CSF2RB: variants seen among roughly 807,000 people sequenced by gnomAD.
The protein encoded by CSF2RB is cytokine receptor common subunit beta.
In CSF2RB, 22 loss-of-function variants were observed where a neutral mutation model predicts 67.2. That is an observed-to-expected ratio of 0.33 (90% CI 0.23 to 0.47). CSF2RB has a LOEUF of 0.47. CSF2RB is among the 20% of genes least tolerant of loss of function. The probability of loss-of-function intolerance (pLI) is 1.00; values close to 1 mark genes in which losing one functional copy is unlikely to be tolerated. For synonymous variants in CSF2RB, 507 were observed against 482.9 expected, an observed-to-expected ratio of 1.05 and a Z score of -0.65; for missense variants, 1,113 against 1,174.5, an observed-to-expected ratio of 0.95 and a Z score of 0.76.
chr22:36,932,567 G>A (rs1941170262), intron 8 of CSF2RB, among the ~76,000 whole-genome samples, 198 bp from the exon 9 acceptor site: 3 of 152,142 alleles, frequency 2.0e-5, no homozygotes, highest in Admixed American at 2.0e-4. Flanking sequence ...CAAAACAAGT[G>A]TATCTCAGCA....
Position 36,938,180 on chromosome 22 carries a change from G to A in CSF2RB, c.2372G>A (p.Ser791Asn), listed in dbSNP as rs564627967. The change falls in exon 14 of 14, where the codon AGC becomes AAC. Residue 791 changes from serine to asparagine, a missense_variant. Physicochemically the swap from Ser to Asn is conservative, Grantham distance 46 (BLOSUM62 1). Coordinates refer to ENST00000403662, the MANE Select transcript of CSF2RB (RefSeq NM_000395.3). The part of the protein sequence containing the change: ...RNNPVPPEAK[S>N]PVLNPGERPA... Reference sequence around the variant, plus strand: ...AATCCTGTCCCCCCTGAGGCCAAAAGCCCTGTCCTGAACCCAGGGGAACGC... The same window carrying A: ...AATCCTGTCCCCCCTGAGGCCAAAAACCCTGTCCTGAACCCAGGGGAACGC... The A allele has an allele frequency of 2.5e-6, 4 of 1,614,138 alleles. No homozygotes were observed. In the East Asian group the frequency reaches 6.7e-5, roughly 27 times the overall value.
At chr22:36,922,340 G>T in intron 2 of CSF2RB, 57 bp downstream of exon 2, 2 of 1,484,194 alleles carry the variant, frequency 1.3e-6, no homozygotes, top group Non-Finnish European at 1.8e-6. Flanking sequence ...CTGCACCCTG[G>T]GGGAGGGCCG....
Position 36,937,506 on chromosome 22 carries a change from C to A in CSF2RB, c.1698C>A (p.Pro566=), listed in dbSNP as rs755209037. The A allele has an allele frequency of 2.5e-6, 4 of 1,613,966 alleles. No individual in the cohort carries two copies. Among genetic ancestry groups the A allele is most frequent in the Non-Finnish European group, 3.4e-6 (4 of 1,179,942 alleles). The change falls in exon 14 of 14, where the codon CCC becomes CCA. Residue 566 remains proline, a synonymous_variant. Transcript: ENST00000403662. This position sits in a 1 kb window ranked among gnomAD's most constrained non-coding sequence, Gnocchi z 4.6. The part of the protein sequence containing the change: ...PAASDLPTEQ[P]PSPQPGPPAA... ...CCTCAGATCTACCCACAGAGCAGCC[C>A]CCCAGCCCCCAGCCAGGCCCGCCTG...
intron 1 of CSF2RB, among the ~76,000 whole-genome samples, chr22:36,918,337 G>C (rs192321564): frequency 6.6e-6 from 1 of 152,314 alleles, no homozygotes; most frequent in African/African-American, 2.4e-5. Flanking sequence ...GTATTTTCAA[G>C]ACATCTATTT....
In CSF2RB at chr22:36,938,460, T is replaced by C; in HGVS notation, c.2652T>C (p.Ser884=). 6.2e-7 allele frequency: 1 copy of C among 1,614,086 alleles called. No individual in the cohort carries two copies. Among genetic ancestry groups the C allele is most frequent in the Non-Finnish European group, 8.5e-7 (1 of 1,179,984 alleles). The part of the protein sequence containing the change: ...FKALKQQDYL[S]LPPWEVNKPG... ...CCCTGAAGCAGCAGGACTACCTGTC[T>C]CTGCCCCCTTGGGAGGTCAACAAGC... Residue 884 remains serine, a synonymous_variant, in exon 14 of 14, where the codon TCT becomes TCC. Transcript: ENST00000403662.
intron 1 of CSF2RB, among the ~76,000 whole-genome samples, chr22:36,917,153 T>A (rs1371238167): frequency 1.3e-5 from 2 of 152,226 alleles, no homozygotes; most frequent in Admixed American, 6.5e-5. Context: ...TTATTAAATA[T>A]TTAGGAGTGT....
At chr22:36,914,466 T>C (rs1158794927) in intron 1 of CSF2RB, among the ~76,000 whole-genome samples, 1 of 152,006 alleles carries the variant, frequency 6.6e-6, no homozygotes, top group African/African-American at 2.4e-5. Flanking sequence ...TCTGCCCTGC[T>C]GATTTGGGTT....
rs142435402 is a variant in CSF2RB at position 36,937,440 on chromosome 22, T to C, written c.1632T>C (p.His544=). The change falls in exon 14 of 14, where the codon CAT becomes CAC. Residue 544 remains histidine (H), a synonymous_variant. Transcript: ENST00000403662. The surrounding 1 kb of genome is among the most constrained non-coding windows in gnomAD (Gnocchi z 4.6). The part of the protein sequence containing the change: ...VSPLTIEDPK[H]VCDPPSGPDT... ...CTCTCACCATAGAGGACCCCAAGCA[T>C]GTCTGTGATCCACCATCTGGGCCTG... 1.2e-6 allele frequency: 2 copies of C among 1,613,936 alleles called. No homozygotes were observed. Among genetic ancestry groups the C allele is most frequent in the Non-Finnish European group, 1.7e-6 (2 of 1,179,978 alleles).
chr22:36,925,483 A>G (rs1940993105), intron 3 of CSF2RB, among the ~76,000 whole-genome samples: 1 of 151,998 alleles, frequency 6.6e-6, no homozygotes, highest in African/African-American at 2.4e-5. Flanking sequence ...ATCCAATCCC[A>G]TCATGTAGAT....
At chr22:36,923,199 T>C in intron 2 of CSF2RB, 45 bp from the exon 3 acceptor site, 1 of 1,613,506 alleles carries the variant, frequency 6.2e-7, no homozygotes, top group South Asian at 1.1e-5. Context: ...GTGACAAGGG[T>C]CCCTGCAGGA....
intron 1 of CSF2RB, among the ~76,000 whole-genome samples, chr22:36,921,608 C>T (rs765650065): frequency 2.0e-5 from 3 of 151,970 alleles, no homozygotes; most frequent in Admixed American, 6.5e-5. Flanking sequence ...CCCCGGCCTC[C>T]GAGGAGAAAA....
In CSF2RB at chr22:36,939,286, G is replaced by C; in HGVS notation, c.*784G>C. On this transcript the variant is annotated 3_prime_UTR_variant, in exon 14 of 14. Transcript: ENST00000403662. ...GGCCCAAGTGGTGGGCAGGCTGGCG[G>C]GACCTGGGGAACATCAGGAGAGGAG... 1 of 701,886 alleles carries C rather than the reference G, an allele frequency of 1.4e-6. No individual in the cohort carries two copies. Among genetic ancestry groups the C allele is most frequent in the South Asian group, 1.5e-5 (1 of 67,176 alleles). The allele number at this position is 701,886 out of a possible 1,614,324, so 43.5% of individuals were successfully genotyped here.
chr22:36,936,465 C>T, intron 12 of CSF2RB, 84 bp from the exon 13 acceptor site: 4 of 1,034,784 alleles, frequency 3.9e-6, no homozygotes, highest in South Asian at 1.3e-5. Flanking sequence ...CTCCTTGAAT[C>T]CTCCTGCACC....
chr22:36,915,162 G>A (rs1241466708), intron 1 of CSF2RB, among the ~76,000 whole-genome samples: 1 of 152,118 alleles, frequency 6.6e-6, no homozygotes, highest in East Asian at 1.9e-4. Flanking sequence ...TTGGCTCACT[G>A]CAACCTCTGC....
Position 36,933,846 on chromosome 22 carries a change from G to T in CSF2RB, c.1167G>T (p.Glu389Asp). The change falls in exon 10 of 14, where the codon GAG (glutamate) becomes GAT (aspartate). Residue 389 changes from glutamate to aspartate, a missense_variant. By Grantham distance (45) the Glu-to-Asp change is conservative. Coordinates refer to ENST00000403662, the MANE Select transcript of CSF2RB (RefSeq NM_000395.3). Reference sequence around the variant, plus strand: ...CCAACCCACAGGACAGCAAGACCGAGACCCTCCAGAACGCCCACAGCATGG... The same window carrying T: ...CCAACCCACAGGACAGCAAGACCGATACCCTCCAGAACGCCCACAGCATGG... ...DTATWKDSKT[E>D]TLQNAHSMAL... 1 of 1,608,920 alleles carries T rather than the reference G, an allele frequency of 6.2e-7. No homozygotes were observed.
In CSF2RB at chr22:36,929,539, C is replaced by G; in HGVS notation, c.529C>G (p.Arg177Gly). 1 of 1,614,152 alleles carries G rather than the reference C, an allele frequency of 6.2e-7. No individual in the cohort carries two copies. Among genetic ancestry groups the G allele is most frequent in the Non-Finnish European group, 8.5e-7 (1 of 1,180,022 alleles). Residue 177 changes from arginine (R) to glycine (G), a missense_variant, in exon 5 of 14, where the codon CGG becomes GGG. Physicochemically the swap from Arg to Gly is moderately radical, Grantham distance 125. Transcript: ENST00000403662. ...TCTGGAGTTTGAGGTGGTCTACAAG[C>G]GGCTTCAGGACTCTTGGGAGGTAGG... Reference protein sequence around the residue: ...GDLEFEVVYKRLQDSWEDAAI... With the variant: ...GDLEFEVVYKGLQDSWEDAAI...
rs1569140912 is a variant in CSF2RB, at chr22:36,938,214, T to C, written c.2406T>C (p.Asp802=). The part of the protein sequence containing the change: ...PVLNPGERPA[D]VSPTSPQPEG... ...TGAACCCAGGGGAACGCCCGGCAGA[T>C]GTGTCCCCAACATCCCCACAGCCCG... The change falls in exon 14 of 14, where the codon GAT becomes GAC. Residue 802 remains aspartate (D), a synonymous_variant. Coordinates refer to ENST00000403662, the MANE Select transcript of CSF2RB (RefSeq NM_000395.3). The C allele has an allele frequency of 6.2e-7, 1 of 1,614,072 alleles. No homozygotes were observed. Among genetic ancestry groups the C allele is most frequent in the Admixed American group, 1.7e-5 (1 of 60,020 alleles).
intron 2 of CSF2RB, 82 bp downstream of exon 2, chr22:36,922,365 G>A: frequency 7.4e-7 from 1 of 1,353,416 alleles, no homozygotes. Flanking sequence ...GTATCCTCAG[G>A]ATCCTGCCCG....
chr22:36,937,322 C>T lies in CSF2RB; in HGVS notation c.1569-55C>T. 1.2e-6 allele frequency: 2 copies of T among 1,600,944 alleles called. No individual in the cohort carries two copies. The highest frequency in any genetic ancestry group is 2.2e-5 in the South Asian group (2 of 90,840). On this transcript the variant is annotated intron_variant, in intron 13 of 13. Transcript: ENST00000403662. The surrounding 1 kb of genome is among the most constrained non-coding windows in gnomAD (Gnocchi z 4.6). Reference sequence around the variant, plus strand: ...ACCCCACCAAGACCCTTGTGCCTGACCCGGATCATCTGCCCAGGGTGGTCC... The same window carrying T: ...ACCCCACCAAGACCCTTGTGCCTGATCCGGATCATCTGCCCAGGGTGGTCC...
Sources: allele counts gnomAD v4.1 joint callset (sites outside exome capture counted in the v4.1 genomes callset), GRCh38; gene constraint gnomAD v4.1.1; non-coding constraint Gnocchi (gnomAD v3.1); transcripts MANE v1.5; gene names NCBI Gene and HGNC (gene_info 2026-07-23, HGNC 2026-07-21).